The following KCNK2 variants were observed in gnomAD, a reference collection of about 807,000 sequenced individuals.
KCNK2 encodes potassium two pore domain channel subfamily K member 2, also known as potassium channel subfamily K member 2.
A neutral mutation model predicts 40.5 loss-of-function variants in KCNK2; 21 were observed. That is an observed-to-expected ratio of 0.52 (90% confidence interval 0.37 to 0.75). The LOEUF is 0.75. Among genes scored for constraint, KCNK2 ranks in the 30% least tolerant of loss-of-function variants. KCNK2 has a pLI of 0.00. For synonymous variants in KCNK2, 191 were observed against 202.2 expected (o/e 0.94, Z 0.47); for missense variants, 399 against 531.6 (o/e 0.75, Z 2.45).
In KCNK2 at chr1:215,083,194, T is replaced by TCCA; in HGVS notation, c.-190_-189insACC. On this transcript the variant is annotated 5_prime_UTR_variant, in exon 1 of 7. Coordinates refer to ENST00000444842, the MANE Select transcript of KCNK2 (RefSeq NM_001017425.3). ...CCCGCGATTTCGTTTCTTCTCACGC[T>TCCA]CCCCCCCCCGCCCCCTCCCGCGTCC... is the stretch of plus-strand genomic sequence containing the variant. 1 of 501,814 alleles carries TCCA rather than the reference T, an allele frequency of 2.0e-6. No individual in the cohort carries two copies. Among genetic ancestry groups the TCCA allele is most frequent in the Non-Finnish European group, 3.3e-6 (1 of 301,554 alleles). The allele number at this position is 501,814 out of a possible 1,614,324, so 31.1% of individuals were successfully genotyped here.
At chr1:215,108,707 A>G (rs1300117289) in intron 2 of KCNK2, among the ~76,000 whole-genome samples, 1 of 151,502 alleles carries the variant, frequency 6.6e-6, no homozygotes, top group African/African-American at 2.4e-5. Flanking sequence ...TATTTTTAAT[A>G]CCAAAAGACA....
intron 1 of KCNK2, among the ~76,000 whole-genome samples, chr1:215,007,133 GTA>G (rs1320686494): frequency 1.7e-5 from 2 of 114,452 alleles, no homozygotes; most frequent in Non-Finnish European, 3.5e-5. Context: ...ATATATATGT[GTA>G]TATATATGTG....
intron 3 of KCNK2, among the ~76,000 whole-genome samples, chr1:215,132,453 G>A (rs1167611549): frequency 1.3e-5 from 2 of 152,186 alleles, no homozygotes; most frequent in African/African-American, 4.8e-5. Context: ...AGTCCATTGA[G>A]GTTCTCTCAG....
At chr1:215,073,554 A>G (rs1307927833) in intron 1 of KCNK2, among the ~76,000 whole-genome samples, 1 of 152,126 alleles carries the variant, frequency 6.6e-6, no homozygotes, top group East Asian at 1.9e-4. Flanking sequence ...CTAGGCTGGA[A>G]GGACTTGTAT....
chr1:215,054,715 A>T (rs1658099188), intron 1 of KCNK2, among the ~76,000 whole-genome samples: 1 of 152,214 alleles, frequency 6.6e-6, no homozygotes, highest in Admixed American at 6.5e-5. Context: ...AGACAATGAA[A>T]ATATGACCTG....
At chr1:215,210,948 A>G (rs973201684) in intron 6 of KCNK2, among the ~76,000 whole-genome samples, 4 of 152,060 alleles carry the variant, frequency 2.6e-5, no homozygotes, top group African/African-American at 9.7e-5. Flanking sequence ...CACTTGTTTC[A>G]TCATTTTTTC....
chr1:215,233,286 T>G (rs1049424088), intron 6 of KCNK2, among the ~76,000 whole-genome samples: 9 of 152,124 alleles, frequency 5.9e-5, no homozygotes, highest in Non-Finnish European at 1.3e-4. Flanking sequence ...AATTATTTCT[T>G]GTTAAGACAG....
At chr1:215,107,420 T>C (rs190401296) in intron 2 of KCNK2, among the ~76,000 whole-genome samples, 2 of 152,182 alleles carry the variant, frequency 1.3e-5, no homozygotes, top group African/African-American at 2.4e-5. Flanking sequence ...TTTGAGGAAC[T>C]TCCATACTAT....
chr1:215,152,227 T>C (rs1662716597), intron 3 of KCNK2, among the ~76,000 whole-genome samples: 1 of 151,996 alleles, frequency 6.6e-6, no homozygotes, highest in South Asian at 2.1e-4. Flanking sequence ...TCTGAGTAGA[T>C]AGAACATTTT....
chr1:215,138,097 A>G (rs1662010421), intron 3 of KCNK2, among the ~76,000 whole-genome samples: 1 of 152,228 alleles, frequency 6.6e-6, no homozygotes, highest in African/African-American at 2.4e-5. Context: ...TTAGAAACGT[A>G]GTAACATGTT....
At chr1:215,171,281 G>C (rs1364636242) in intron 4 of KCNK2, among the ~76,000 whole-genome samples, 3 of 151,982 alleles carry the variant, frequency 2.0e-5, no homozygotes, top group African/African-American at 7.2e-5. Context: ...TTTAAAAAAT[G>C]GGTATTCTGA....
chr1:215,217,546 C>G (rs1020997076), intron 6 of KCNK2, among the ~76,000 whole-genome samples: 1 of 152,244 alleles, frequency 6.6e-6, no homozygotes, highest in Admixed American at 6.5e-5. Context: ...AACTCTCCAG[C>G]TGCTCATCTC....
At chr1:215,185,573 A>C (rs958410066) in intron 5 of KCNK2, among the ~76,000 whole-genome samples, 1 of 152,144 alleles carries the variant, frequency 6.6e-6, no homozygotes, top group Non-Finnish European at 1.5e-5. Context: ...ATGACTGTAA[A>C]ATTAGCTATT....
At chr1:215,179,204 C>T (rs1664120612) in intron 5 of KCNK2, among the ~76,000 whole-genome samples, 1 of 151,854 alleles carries the variant, frequency 6.6e-6, no homozygotes, top group Non-Finnish European at 1.5e-5. Flanking sequence ...GTAATGTTAC[C>T]TTTGTCATTT....
At chr1:215,006,739 A>G (rs1656139898) in intron 1 of KCNK2, among the ~76,000 whole-genome samples, 1 of 151,958 alleles carries the variant, frequency 6.6e-6, no homozygotes, top group African/African-American at 2.4e-5. Context: ...GTGTTGGGTA[A>G]TAGGACACGT....
rs199698339 is a variant in KCNK2 at position 215,083,415 on chromosome 1, C to T, written c.30C>T (p.Pro10=). The T allele has an allele frequency of 3.1e-6, 5 of 1,613,732 alleles. No individual in the cohort carries two copies. In the East Asian group the frequency reaches 8.9e-5, roughly 29 times the overall value. ...TTCCCAGCGCCTCGCGGGAGAGACC[C>T]GGCTATAGAGCAGGAGGTGAGACCC... MLPSASRER[P]GYRAGVAAPD... is the part of the protein sequence containing the mutation. Residue 10 remains proline (P), a synonymous_variant, in exon 1 of 7, where the codon CCC becomes CCT. Transcript: ENST00000444842.
chr1:215,144,146 T>C (rs975324402), intron 3 of KCNK2, among the ~76,000 whole-genome samples: 2 of 152,180 alleles, frequency 1.3e-5, no homozygotes, highest in African/African-American at 4.8e-5. Context: ...TGTAAACATA[T>C]GCCCTTTTTT....
chr1:215,098,784 T>C (rs979143108), intron 2 of KCNK2, among the ~76,000 whole-genome samples: 9 of 151,942 alleles, frequency 5.9e-5, no homozygotes, highest in Admixed American at 3.3e-4. Flanking sequence ...ATTTTGTGAA[T>C]TGATTTTTGT....
At chr1:215,007,049 GTATA>G (rs1184311265) in intron 1 of KCNK2, among the ~76,000 whole-genome samples, 2 of 103,120 alleles carry the variant, frequency 1.9e-5, no homozygotes, top group African/African-American at 4.3e-5. Context: ...GTGTGTGTGT[GTATA>G]TATATATGTG....
Sources: allele counts gnomAD v4.1 joint callset (sites outside exome capture counted in the v4.1 genomes callset), GRCh38; gene constraint gnomAD v4.1.1; transcripts MANE v1.5; gene names NCBI Gene and HGNC (gene_info 2026-07-23, HGNC 2026-07-21).